DGKB: variants seen among roughly 807,000 people sequenced by gnomAD.
The protein encoded by DGKB is 90 kDa diacylglycerol kinase.
In DGKB, 67 loss-of-function variants were observed where a neutral mutation model predicts 114.3. The observed-to-expected ratio is 0.59, with a 90% CI of 0.48 to 0.72. DGKB has a LOEUF of 0.72. Among genes scored for constraint, DGKB ranks in the 30% least tolerant of loss-of-function variants. DGKB has a pLI of 0.00. For missense variants in DGKB, 907 were observed against 975.2 expected (o/e 0.93, Z 0.93); for synonymous variants, 398 against 323.1 (o/e 1.23, Z -2.49).
At position 14,599,083 on chromosome 7, in the gene DGKB, TC is replaced by T. The variant is rs558746769; in HGVS notation, c.1433+8350del. ...TAATGATTACTATTAAAGTCAGATC[TC>T]TCTTCCTTGGACGTGTGTCTTACAC... On this transcript the variant is annotated intron_variant, in intron 17 of 25. Coordinates refer to ENST00000402815, the MANE Select transcript of DGKB (RefSeq NM_001350709.2). 2.0e-5 allele frequency among the ~76,000 whole-genome samples: 3 copies of T among 152,340 alleles called. No individual in the cohort carries two copies. The South Asian group carries it at 6.2e-4, about 32-fold the overall frequency.
chr7:14,397,288 T>C (rs1446799052), intron 21 of DGKB, among the ~76,000 whole-genome samples: 1 of 152,166 alleles, frequency 6.6e-6, no homozygotes, highest in Non-Finnish European at 1.5e-5. Context: ...TGCGCTGACC[T>C]GTGGGAGTTT....
intron 23 of DGKB, among the ~76,000 whole-genome samples, chr7:14,199,288 C>A (rs1316263373): frequency 6.6e-6 from 1 of 151,974 alleles, no homozygotes. Flanking sequence ...AGATGAAAGA[C>A]ATTTGGCTAC....
intron 2 of DGKB, among the ~76,000 whole-genome samples, chr7:14,821,418 G>A (rs1177203669): frequency 3.3e-5 from 5 of 152,106 alleles, no homozygotes; most frequent in Non-Finnish European, 7.3e-5. Flanking sequence ...AAATGAACAG[G>A]GTATTGATGT....
At chr7:14,243,280 G>T (rs987722745) in intron 23 of DGKB, among the ~76,000 whole-genome samples, 6 of 152,134 alleles carry the variant, frequency 3.9e-5, no homozygotes, top group African/African-American at 1.4e-4. Context: ...TTAAAGAATT[G>T]TGCAGTGGTG....
At chr7:14,319,417 T>C (rs1180171503) in intron 23 of DGKB, among the ~76,000 whole-genome samples, 2 of 152,150 alleles carry the variant, frequency 1.3e-5, no homozygotes, top group East Asian at 3.8e-4. Flanking sequence ...TAAATTTTTG[T>C]TTTTTAAATA....
chr7:14,643,706 C>T (rs1014281514), intron 13 of DGKB, among the ~76,000 whole-genome samples: 2 of 152,160 alleles, frequency 1.3e-5, no homozygotes, highest in African/African-American at 4.8e-5. Flanking sequence ...CCTGTCTTAT[C>T]TGCCGTCACC....
In DGKB at chr7:14,716,357, C is replaced by T. The variant is rs78874788; in HGVS notation, c.466+2185G>A. On this transcript the variant is annotated intron_variant, in intron 6 of 25. Coordinates refer to ENST00000402815, the MANE Select transcript of DGKB (RefSeq NM_001350709.2). ...CTGATGTGTGATAAAGTTTGAGAAC[C>T]TCTAACCTAAATCAAATTTCTTTCT... Among the ~76,000 whole-genome samples, 1,421 of 152,242 alleles carry T rather than the reference C, an allele frequency of 9.3e-3. 24 individuals are homozygous for T. The highest frequency in any genetic ancestry group is 0.033 in the African/African-American group (1,367 of 41,534).
intron 21 of DGKB, among the ~76,000 whole-genome samples, chr7:14,375,813 T>C (rs1162618858): frequency 6.6e-6 from 1 of 152,218 alleles, no homozygotes; most frequent in East Asian, 1.9e-4. Context: ...AGTGATTTTC[T>C]TGCAAGGCTA....
At chr7:14,814,628 G>A (rs983293738) in intron 2 of DGKB, among the ~76,000 whole-genome samples, 2 of 152,104 alleles carry the variant, frequency 1.3e-5, no homozygotes, top group Non-Finnish European at 2.9e-5. Flanking sequence ...ATGTGATTGA[G>A]CTAAGAATTC....
chr7:14,587,132 T>C (rs915596291), intron 17 of DGKB, among the ~76,000 whole-genome samples: 2 of 152,154 alleles, frequency 1.3e-5, no homozygotes. Flanking sequence ...ATAATCTAGG[T>C]GTCATTAAGA....
intron 23 of DGKB, among the ~76,000 whole-genome samples, chr7:14,293,992 C>G: frequency 6.6e-6 from 1 of 152,138 alleles, no homozygotes; most frequent in Non-Finnish European, 1.5e-5. Flanking sequence ...GTTCAAAAGT[C>G]AACAAGAGGT....
intron 21 of DGKB, among the ~76,000 whole-genome samples, chr7:14,474,551 C>T (rs185682659): frequency 5.3e-5 from 8 of 152,298 alleles, no homozygotes; most frequent in Admixed American, 2.0e-4. Context: ...GAATTCCACA[C>T]TGCTTTGCAT....
intron 1 of DGKB, among the ~76,000 whole-genome samples, chr7:14,853,164 T>C (rs762214610): frequency 2.4e-4 from 37 of 152,136 alleles, no homozygotes; most frequent in Admixed American, 9.8e-4. Context: ...AGGGACTTTT[T>C]TACCAAACGA....
intron 12 of DGKB, among the ~76,000 whole-genome samples, chr7:14,677,383 C>T (rs1046471929): frequency 2.0e-5 from 3 of 151,936 alleles, no homozygotes; most frequent in African/African-American, 7.2e-5. Flanking sequence ...TCACCTGTTA[C>T]ACTGGCCCCT....
chr7:14,361,778 C>A (rs531377490), intron 21 of DGKB, among the ~76,000 whole-genome samples: 2 of 151,932 alleles, frequency 1.3e-5, no homozygotes, highest in African/African-American at 4.8e-5. Context: ...TAAATGGAGA[C>A]GAATTCCAAT....
At chr7:14,292,574 A>G (rs1279555624) in intron 23 of DGKB, among the ~76,000 whole-genome samples, 1 of 152,202 alleles carries the variant, frequency 6.6e-6, no homozygotes, top group Non-Finnish European at 1.5e-5. Flanking sequence ...AGAAATCTAT[A>G]CCATTCCGTC....
chr7:14,681,709 T>A (rs992906817), intron 12 of DGKB, among the ~76,000 whole-genome samples: 1 of 152,130 alleles, frequency 6.6e-6, no homozygotes, highest in African/African-American at 2.4e-5. Flanking sequence ...TGTGTGATTC[T>A]AATTAACTTA....
chr7:14,285,558 C>T (rs558694170), intron 23 of DGKB, among the ~76,000 whole-genome samples: 2 of 152,308 alleles, frequency 1.3e-5, no homozygotes, highest in South Asian at 4.1e-4. Flanking sequence ...GAAAGTCTCA[C>T]AGACTACTTC....
intron 4 of DGKB, among the ~76,000 whole-genome samples, chr7:14,740,658 G>C (rs1832450463): frequency 6.6e-6 from 1 of 152,134 alleles, no homozygotes; most frequent in Non-Finnish European, 1.5e-5. Context: ...AATTCCTGCT[G>C]ATTAAGCCAA....
Sources: allele counts gnomAD v4.1 joint callset (sites outside exome capture counted in the v4.1 genomes callset), GRCh38; gene constraint gnomAD v4.1.1; transcripts MANE v1.5; gene names NCBI Gene and HGNC (gene_info 2026-07-23, HGNC 2026-07-21).